The following FSTL5 variants were observed in gnomAD, a reference collection of about 807,000 sequenced individuals.
The protein encoded by FSTL5 is follistatin-related protein 5.
A neutral mutation model predicts 89.1 loss-of-function variants in FSTL5; 62 were observed. That is an observed-to-expected ratio of 0.70 (90% confidence interval 0.57 to 0.86). The LOEUF is 0.86. FSTL5 is among the 40% of genes least tolerant of loss of function. The pLI is 0.00. For synonymous variants in FSTL5, 383 were observed against 346.2 expected, an observed-to-expected ratio of 1.11 and a Z score of -1.18; for missense variants, 1,057 against 1,001.6, an observed-to-expected ratio of 1.06 and a Z score of -0.75.
At chr4:161,717,148 C>A (rs1209138241) in intron 6 of FSTL5, among the ~76,000 whole-genome samples, 1 of 152,104 alleles carries the variant, frequency 6.6e-6, no homozygotes, top group Admixed American at 6.6e-5. Context: ...CATGACAAGA[C>A]CCAAATGCCC....
chr4:162,151,298 G>A lies in FSTL5; in HGVS notation c.-17+12317C>T, dbSNP rs530289162. Among the ~76,000 whole-genome samples, 3 of 152,272 alleles carry A rather than the reference G, an allele frequency of 2.0e-5. No individual in the cohort carries two copies. The East Asian group carries it at 5.8e-4, about 29-fold the overall frequency. ...TCCCAATCAAAAATAACTTGAGATA[G>A]TTTTTATTTTCAAATATGTAAGGTA... On this transcript the variant is annotated intron_variant, in intron 1 of 15. Transcript: ENST00000306100.
intron 2 of FSTL5, among the ~76,000 whole-genome samples, chr4:162,049,842 C>T (rs1384099958): frequency 6.6e-6 from 1 of 151,568 alleles, no homozygotes; most frequent in African/African-American, 2.4e-5. Context: ...AACAGTTTAG[C>T]AAAATGAAAT....
chr4:161,779,819 A>ATATGTATATATATATATATATATATG (rs2019491923), intron 4 of FSTL5, among the ~76,000 whole-genome samples: 1 of 79,920 alleles, frequency 1.3e-5, no homozygotes, highest in Non-Finnish European at 2.1e-5. Flanking sequence ...ATGTATATAT[A>ATATGTATATATATATATATATATATG]TATATATATA....
intron 4 of FSTL5, among the ~76,000 whole-genome samples, chr4:161,859,385 T>C (rs1343659930): frequency 2.0e-5 from 3 of 152,172 alleles, no homozygotes; most frequent in Non-Finnish European, 4.4e-5. Context: ...TTGGGTTATA[T>C]CCACTTCCAA....
intron 8 of FSTL5, among the ~76,000 whole-genome samples, chr4:161,555,169 A>G (rs1732347981): frequency 1.3e-5 from 2 of 151,512 alleles, no homozygotes; most frequent in Non-Finnish European, 1.5e-5. Flanking sequence ...CTTCCTATTT[A>G]TCATATGACA....
At chr4:161,937,792 A>G (rs936966958) in intron 3 of FSTL5, among the ~76,000 whole-genome samples, 1 of 152,186 alleles carries the variant, frequency 6.6e-6, no homozygotes, top group African/African-American at 2.4e-5. Flanking sequence ...CAAACTTAGA[A>G]GCCAAAGATC....
At chr4:162,066,098 A>G (rs768584566) in intron 2 of FSTL5, among the ~76,000 whole-genome samples, 6 of 152,004 alleles carry the variant, frequency 3.9e-5, no homozygotes, top group Non-Finnish European at 7.4e-5. Context: ...TTATGAACAT[A>G]TTTATTTTGA....
At chr4:161,794,419 G>A (rs1729568360) in intron 4 of FSTL5, among the ~76,000 whole-genome samples, 1 of 152,180 alleles carries the variant, frequency 6.6e-6, no homozygotes, top group African/African-American at 2.4e-5. Flanking sequence ...AGATTATGTA[G>A]CAAAACATTC....
At chr4:161,886,587 A>G (rs1732814447) in intron 4 of FSTL5, among the ~76,000 whole-genome samples, 1 of 152,228 alleles carries the variant, frequency 6.6e-6, no homozygotes, top group South Asian at 2.1e-4. Context: ...TGGATACAAA[A>G]GGAGTCAGTA....
intron 6 of FSTL5, among the ~76,000 whole-genome samples, chr4:161,694,846 T>TC (rs1251125241): frequency 6.7e-6 from 1 of 148,328 alleles, no homozygotes; most frequent in Non-Finnish European, 1.5e-5. Flanking sequence ...AAATGCCTTT[T>TC]TTTTTTTTTT....
At chr4:161,704,352 C>A (rs1652445025) in intron 6 of FSTL5, among the ~76,000 whole-genome samples, 1 of 152,040 alleles carries the variant, frequency 6.6e-6, no homozygotes, top group Non-Finnish European at 1.5e-5. Context: ...AAACTGTGCT[C>A]CGACCACCTT....
At chr4:161,846,063 ATTG>A (rs1731359084) in intron 4 of FSTL5, among the ~76,000 whole-genome samples, 1 of 143,670 alleles carries the variant, frequency 7.0e-6, no homozygotes, top group Non-Finnish European at 1.5e-5. Context: ...AAAAAAAAAA[ATTG>A]TGAATTGTGT....
At chr4:161,519,626 G>A (rs1388175933) in intron 10 of FSTL5, among the ~76,000 whole-genome samples, 2 of 152,118 alleles carry the variant, frequency 1.3e-5, no homozygotes, top group African/African-American at 4.8e-5. Flanking sequence ...CAACACCTAA[G>A]CTTCTAATTA....
At chr4:161,795,086 C>T (rs1729594272) in intron 4 of FSTL5, among the ~76,000 whole-genome samples, 1 of 151,480 alleles carries the variant, frequency 6.6e-6, no homozygotes, top group African/African-American at 2.4e-5. Flanking sequence ...TATTGAATAC[C>T]TTAATATCTA....
rs1730521996 is a variant in FSTL5 at position 161,383,970 on chromosome 4, CA to C, written c.*1776del. 1 of 152,094 alleles carries C rather than the reference CA, an allele frequency of 6.6e-6. No individual in the cohort carries two copies. The highest frequency in any genetic ancestry group is 1.5e-5 in the Non-Finnish European group (1 of 67,992). 9.4% of individuals were successfully genotyped at this position (152,094 alleles called of 1,614,324 possible). A position where few individuals can be genotyped will look rare whatever the true frequency, so the allele number is the denominator to read the frequency against. Reference sequence around the variant, plus strand: ...CAGAGCATCCACATGGTGTAAGCTACAAAAGAAGGATGTATGCGACAGACTT... The same window carrying C: ...CAGAGCATCCACATGGTGTAAGCTACAAAGAAGGATGTATGCGACAGACTT... On this transcript the variant is annotated 3_prime_UTR_variant, in exon 16 of 16. Coordinates refer to ENST00000306100, the MANE Select transcript of FSTL5 (RefSeq NM_020116.5).
chr4:161,758,840 A>G (rs1033684565), intron 6 of FSTL5, among the ~76,000 whole-genome samples: 1 of 152,194 alleles, frequency 6.6e-6, no homozygotes, highest in South Asian at 2.1e-4. Flanking sequence ...TTTTTAAAGA[A>G]TAACCTGATA....
intron 6 of FSTL5, among the ~76,000 whole-genome samples, chr4:161,668,268 G>T (rs56261280): frequency 1.3e-5 from 2 of 151,994 alleles, no homozygotes. Context: ...TGATAACCTA[G>T]GTTAAATGGA....
intron 15 of FSTL5, among the ~76,000 whole-genome samples, chr4:161,403,335 G>A (rs1344396513): frequency 1.3e-5 from 2 of 151,510 alleles, no homozygotes; most frequent in African/African-American, 2.4e-5. Context: ...GTTTTCTAAC[G>A]AAAAAACAAG....
At chr4:161,721,652 G>T (rs547562900) in intron 6 of FSTL5, among the ~76,000 whole-genome samples, 2 of 152,262 alleles carry the variant, frequency 1.3e-5, no homozygotes, top group Admixed American at 6.5e-5. Flanking sequence ...TTCTTTCCTT[G>T]TAATGCAAGG....
Sources: gnomAD v4.1 joint callset for allele counts (sites outside exome capture counted in the v4.1 genomes callset) on GRCh38, gnomAD v4.1.1 for gene constraint, MANE v1.5 for transcripts, NCBI Gene and HGNC (gene_info 2026-07-23, HGNC 2026-07-21) for gene names.